The following MAPK8 variants were observed in gnomAD, a reference collection of about 807,000 sequenced individuals.
The protein encoded by MAPK8 is mitogen-activated protein kinase 8, also known as JUN N-terminal kinase.
In MAPK8, 13 loss-of-function variants were observed where a neutral mutation model predicts 52.9. The observed-to-expected ratio is 0.25, with a 90% CI of 0.16 to 0.39. MAPK8 has a LOEUF of 0.39. MAPK8 is among the 10% of genes least tolerant of loss of function. MAPK8 has a pLI of 1.00. For synonymous variants in MAPK8, 191 were observed against 169.8 expected, an observed-to-expected ratio of 1.12 and a Z score of -0.97; for missense variants, 300 against 519.2, an observed-to-expected ratio of 0.58 and a Z score of 4.10.
At chr10:48,307,035 C>T in intron 1 of MAPK8, 1 of 151,988 alleles carries the variant, frequency 6.6e-6, no homozygotes, top group Non-Finnish European at 1.5e-5. Context: ...GACCTGGGTG[C>T]GCTCCGCTGC....
At chr10:48,368,850 A>G (rs1021443109) in intron 1 of MAPK8, among the ~76,000 whole-genome samples, 2 of 152,152 alleles carry the variant, frequency 1.3e-5, no homozygotes, top group African/African-American at 2.4e-5. Flanking sequence ...CTTCTGTTGT[A>G]TCGCATAGTG....
At chr10:48,308,310 G>C (rs915971841) in intron 1 of MAPK8, 1 of 152,152 alleles carries the variant, frequency 6.6e-6, no homozygotes, top group Non-Finnish European at 1.5e-5. Context: ...ATAAAAGTCG[G>C]ATTGATGAAA....
intron 11 of MAPK8, 125 bp downstream of exon 11, chr10:48,431,395 T>TAA: frequency 1.5e-6 from 1 of 664,470 alleles, no homozygotes; most frequent in Non-Finnish European, 2.6e-6. Context: ...TTAATAAGTA[T>TAA]AAGGAAATAC....
At chr10:48,424,587 T>C in intron 7 of MAPK8, 1 of 1,573,042 alleles carries the variant, frequency 6.4e-7, no homozygotes, top group Non-Finnish European at 8.6e-7. Context: ...GTACAGATCG[T>C]ATCCTTATCT....
chr10:48,372,866 A>G (rs2040409745), intron 1 of MAPK8, among the ~76,000 whole-genome samples: 1 of 152,160 alleles, frequency 6.6e-6, no homozygotes, highest in Non-Finnish European at 1.5e-5. Context: ...CAACATTCAA[A>G]TTCAGGAAAA....
At chr10:48,376,700 A>G (rs1007076066) in intron 1 of MAPK8, among the ~76,000 whole-genome samples, 2 of 152,252 alleles carry the variant, frequency 1.3e-5, no homozygotes, top group African/African-American at 4.8e-5. Flanking sequence ...CACTCCAGTT[A>G]GAATGGCAAT....
At chr10:48,420,861 T>C (rs1014680248) in intron 6 of MAPK8, among the ~76,000 whole-genome samples, 4 of 152,250 alleles carry the variant, frequency 2.6e-5, no homozygotes, top group African/African-American at 9.6e-5. Context: ...AAATGACTTT[T>C]AGTATTTTGT....
rs887521170 is a variant in MAPK8, at chr10:48,423,739, C to A, written c.617-349C>A. 5.9e-5 allele frequency among the ~76,000 whole-genome samples: 9 copies of A among 152,098 alleles called. No homozygotes were observed. In the South Asian group the frequency reaches 1.7e-3, roughly 28 times the overall value. ...CAATTTTATTTTTATAATTTTACTA[C>A]CTCATGTACATTTTTATTTACAAAG... On this transcript the variant is annotated intron_variant, in intron 6 of 11. Coordinates refer to ENST00000374189, the MANE Select transcript of MAPK8 (RefSeq NM_001323329.2).
chr10:48,340,267 G>T (rs1278456888), intron 1 of MAPK8, among the ~76,000 whole-genome samples: 1 of 152,186 alleles, frequency 6.6e-6, no homozygotes, highest in Non-Finnish European at 1.5e-5. Flanking sequence ...GATGCAGCTG[G>T]AGGCCATTAT....
intron 5 of MAPK8, among the ~76,000 whole-genome samples, chr10:48,410,754 T>C (rs191222280): frequency 3.3e-4 from 50 of 152,344 alleles, no homozygotes; most frequent in African/African-American, 1.2e-3. Context: ...ACTAGCAGTG[T>C]ATGCGGGTTC....
intron 1 of MAPK8, chr10:48,325,955 TC>T (rs1345031541): frequency 6.6e-6 from 1 of 152,234 alleles, no homozygotes; most frequent in Non-Finnish European, 1.5e-5. Flanking sequence ...TTTCATCACA[TC>T]CTGTCAAGGG....
chr10:48,362,523 C>T (rs1344962579), intron 1 of MAPK8, among the ~76,000 whole-genome samples: 1 of 132,570 alleles, frequency 7.5e-6, no homozygotes, highest in Non-Finnish European at 1.5e-5. Flanking sequence ...AAGAAAAAAA[C>T]CACATTTTCT....
At chr10:48,330,774 C>T (rs1033453662) in intron 1 of MAPK8, among the ~76,000 whole-genome samples, 1 of 152,168 alleles carries the variant, frequency 6.6e-6, no homozygotes, top group Non-Finnish European at 1.5e-5. Flanking sequence ...CATTATCCCC[C>T]TTAAAAGGTT....
intron 1 of MAPK8, among the ~76,000 whole-genome samples, chr10:48,345,111 A>G (rs1265563888): frequency 6.6e-6 from 1 of 152,230 alleles, no homozygotes; most frequent in African/African-American, 2.4e-5. Flanking sequence ...AACAGAAAGG[A>G]TCATTTTTTA....
At chr10:48,361,143 C>T (rs1847482758) in intron 1 of MAPK8, among the ~76,000 whole-genome samples, 1 of 152,188 alleles carries the variant, frequency 6.6e-6, no homozygotes, top group African/African-American at 2.4e-5. Context: ...TACTTTTATA[C>T]ATGAATTCTA....
chr10:48,391,007 A>G (rs1408097039), intron 1 of MAPK8, among the ~76,000 whole-genome samples: 3 of 152,240 alleles, frequency 2.0e-5, no homozygotes, highest in Non-Finnish European at 2.9e-5. Flanking sequence ...TTGAATGGAA[A>G]AGGCTTATGA....
intron 1 of MAPK8, among the ~76,000 whole-genome samples, chr10:48,351,898 G>C (rs550845096): frequency 1.9e-4 from 29 of 152,246 alleles, no homozygotes; most frequent in Non-Finnish European, 3.7e-4. Context: ...CATTTGCTTT[G>C]AGTGTCTTGT....
intron 5 of MAPK8, among the ~76,000 whole-genome samples, chr10:48,411,574 T>G (rs2042748539): frequency 6.6e-6 from 1 of 152,180 alleles, no homozygotes; most frequent in Non-Finnish European, 1.5e-5. Flanking sequence ...GCTTTATTCT[T>G]TTACAATATT....
chr10:48,349,324 C>G (rs1258071549), intron 1 of MAPK8, among the ~76,000 whole-genome samples: 1 of 152,168 alleles, frequency 6.6e-6, no homozygotes, highest in Non-Finnish European at 1.5e-5. Context: ...AATATACACT[C>G]TTCTCAGCAC....
Sources: gnomAD v4.1 joint callset for allele counts (sites outside exome capture counted in the v4.1 genomes callset) on GRCh38, gnomAD v4.1.1 for gene constraint, MANE v1.5 for transcripts, NCBI Gene and HGNC (gene_info 2026-07-23, HGNC 2026-07-21) for gene names.